The following ATP7B variants were observed in gnomAD, a reference collection of about 807,000 sequenced individuals.
ATP7B encodes the protein copper-transporting ATPase 2.
Under a neutral mutation model 118.9 loss-of-function variants are expected in ATP7B, and 113 were observed. The ratio of observed to expected loss-of-function variants is 0.95; its 90% confidence interval spans 0.82 to 1.11. The LOEUF is 1.11. Among genes scored for constraint, ATP7B ranks in the 50% most tolerant of loss-of-function variants. The pLI is 0.00. For missense variants in ATP7B, 1,867 were observed against 1,871.4 expected (o/e 1.00, Z 0.04); for synonymous variants, 777 against 727.4 (o/e 1.07, Z -1.10).
At chr13:52,004,461 G>C (rs765207813) in intron 1 of ATP7B, among the ~76,000 whole-genome samples, 7 of 152,296 alleles carry the variant, frequency 4.6e-5, no homozygotes, top group Non-Finnish European at 1.0e-4. Flanking sequence ...AGGTTCCTAT[G>C]TAAGCAAACC....
intron 16 of ATP7B, among the ~76,000 whole-genome samples, chr13:51,940,786 G>A (rs762694734): frequency 4.6e-5 from 7 of 151,994 alleles, no homozygotes; most frequent in Non-Finnish European, 8.8e-5. Context: ...TGAAGGAGAA[G>A]GATGACTCTG....
chr13:51,950,885 G>A (rs958063474), intron 9 of ATP7B, among the ~76,000 whole-genome samples: 2 of 152,106 alleles, frequency 1.3e-5, no homozygotes, highest in African/African-American at 4.8e-5. Context: ...AGGCAGGCAG[G>A]AAGGGTGCGT....
rs1954032174 is a variant in ATP7B at position 52,011,439 on chromosome 13, G to C, written c.-102C>G. ...GTGTTAAAGTCCCGGGAGAGGAGGCGCAGAGTGTGAGGGCATCGGCGCGGC... is the reference window on the plus strand; with the variant it reads ...GTGTTAAAGTCCCGGGAGAGGAGGCCCAGAGTGTGAGGGCATCGGCGCGGC... On this transcript the variant is annotated 5_prime_UTR_variant, in exon 1 of 21. Transcript: ENST00000242839. 1 of 1,510,398 alleles carries C rather than the reference G, an allele frequency of 6.6e-7. No individual in the cohort carries two copies. Among genetic ancestry groups the C allele is most frequent in the African/African-American group, 1.4e-5 (1 of 72,362 alleles). The allele number at this position is 1,510,398 out of a possible 1,614,324, so 93.6% of individuals were successfully genotyped here. A position where few individuals can be genotyped will look rare whatever the true frequency, so the allele number is the denominator to read the frequency against.
At chr13:51,997,023 C>T (rs1377029005) in intron 1 of ATP7B, among the ~76,000 whole-genome samples, 1 of 152,230 alleles carries the variant, frequency 6.6e-6, no homozygotes, top group African/African-American at 2.4e-5. Flanking sequence ...CAGAGGCCAG[C>T]ACTGTGGGGC....
chr13:52,000,323 C>T (rs1229702162), intron 1 of ATP7B, among the ~76,000 whole-genome samples: 2 of 152,198 alleles, frequency 1.3e-5, no homozygotes, highest in Admixed American at 1.3e-4. Context: ...GCTGCTGCAT[C>T]CTCAAATGGC....
Position 52,011,410 on chromosome 13 carries a change from C to T in ATP7B, c.-73G>A. 4 of 1,607,042 alleles carry T rather than the reference C, an allele frequency of 2.5e-6. No homozygotes were observed. Among genetic ancestry groups the T allele is most frequent in the Non-Finnish European group, 3.4e-6 (4 of 1,174,056 alleles). The stretch of plus-strand genomic sequence containing the variant: ...AGGTCACCTGGTCGGTGGAGGAGAG[C>T]GGGGTGTTAAAGTCCCGGGAGAGGA... On this transcript the variant is annotated 5_prime_UTR_variant, in exon 1 of 21. Transcript: ENST00000242839.
chr13:51,961,970 T>C (rs2139672127), intron 5 of ATP7B, 57 bp from the exon 6 acceptor site: 3 of 1,453,710 alleles, frequency 2.1e-6, no homozygotes, highest in Middle Eastern at 3.5e-4. Context: ...GGTTAAAATA[T>C]GCATTGGCAG....
chr13:52,005,650 C>T (rs147357367), intron 1 of ATP7B, among the ~76,000 whole-genome samples: 2 of 152,336 alleles, frequency 1.3e-5, no homozygotes, highest in African/African-American at 4.8e-5. Flanking sequence ...CCAAAATAAT[C>T]CTTAATGCTT....
chr13:51,950,493 C>T, intron 9 of ATP7B, 94 bp from the exon 10 acceptor site: 1 of 1,555,034 alleles, frequency 6.4e-7, no homozygotes, highest in Non-Finnish European at 8.8e-7. Flanking sequence ...ACTGTATTTG[C>T]TTATACTGAG....
At chr13:51,995,088 T>C (rs866134075) in intron 1 of ATP7B, among the ~76,000 whole-genome samples, 1 of 152,204 alleles carries the variant, frequency 6.6e-6, no homozygotes, top group Non-Finnish European at 1.5e-5. Context: ...TTTTGCTTCA[T>C]AGAGTCTTAC....
At chr13:51,950,522 C>T (rs1957931708) in intron 9 of ATP7B, 123 bp from the exon 10 acceptor site, 2 of 1,415,906 alleles carry the variant, frequency 1.4e-6, no homozygotes, top group Non-Finnish European at 2.0e-6. Context: ...TTCATTTGAT[C>T]TGTTCATTTA....
intron 1 of ATP7B, among the ~76,000 whole-genome samples, chr13:51,985,733 C>T (rs1195160924): frequency 6.6e-6 from 1 of 152,174 alleles, no homozygotes; most frequent in Non-Finnish European, 1.5e-5. Flanking sequence ...GATCACAGTG[C>T]AATCAAATTA....
intron 1 of ATP7B, among the ~76,000 whole-genome samples, chr13:51,984,612 G>A (rs1232684806): frequency 5.3e-5 from 8 of 152,070 alleles, no homozygotes; most frequent in Admixed American, 2.0e-4. Context: ...ACACATAATC[G>A]TCAGATTCAC....
intron 3 of ATP7B, among the ~76,000 whole-genome samples, chr13:51,969,841 A>G (rs1159569945): frequency 2.6e-5 from 4 of 152,216 alleles, no homozygotes; most frequent in Non-Finnish European, 5.9e-5. Flanking sequence ...AAAACATGTC[A>G]TCTGAATTCA....
chr13:51,936,553 G>A (rs1956975935), intron 19 of ATP7B, among the ~76,000 whole-genome samples: 2 of 152,168 alleles, frequency 1.3e-5, no homozygotes, highest in South Asian at 2.1e-4. Context: ...CTGAGATAGG[G>A]TTTCACTCTT....
intron 1 of ATP7B, among the ~76,000 whole-genome samples, chr13:51,982,752 C>G (rs1952481134): frequency 6.6e-6 from 1 of 152,220 alleles, no homozygotes; most frequent in Non-Finnish European, 1.5e-5. Context: ...GCGGGTACAG[C>G]CCATGGAGGG....
chr13:52,010,190 T>C (rs1410630883), intron 1 of ATP7B, among the ~76,000 whole-genome samples: 14 of 152,208 alleles, frequency 9.2e-5, no homozygotes, highest in Admixed American at 9.2e-4. Flanking sequence ...ATAGTCATCA[T>C]ACCCTACAAA....
At position 51,973,948 on chromosome 13, in the gene ATP7B, A is replaced by C; in HGVS notation, c.1272T>G (p.Ala424=). Residue 424 remains alanine, a synonymous_variant, in exon 2 of 21, where the codon GCT becomes GCG. Coordinates refer to ENST00000242839, the MANE Select transcript of ATP7B (RefSeq NM_000053.4). Reference sequence around the variant, plus strand: ...CACACTACGTACCAGAAACGACTGAAGCCTCAAATCCCATGTCTTCTATAG... The same window carrying C: ...CACACTACGTACCAGAAACGACTGACGCCTCAAATCCCATGTCTTCTATAG... ...RAAIEDMGFE[A]SVVSESCSTN... 6.2e-7 allele frequency: 1 copy of C among 1,614,254 alleles called. No homozygotes were observed. Among genetic ancestry groups the C allele is most frequent in the Non-Finnish European group, 8.5e-7 (1 of 1,180,050 alleles).
intron 16 of ATP7B, 67 bp downstream of exon 16, chr13:51,941,014 T>TA: frequency 6.2e-7 from 1 of 1,604,930 alleles, no homozygotes; most frequent in Non-Finnish European, 8.5e-7. Context: ...AGGAGGACTC[T>TA]TTTGCCTGAT....
Sources: allele counts gnomAD v4.1 joint callset (sites outside exome capture counted in the v4.1 genomes callset), GRCh38; gene constraint gnomAD v4.1.1; transcripts MANE v1.5; gene names NCBI Gene and HGNC (gene_info 2026-07-23, HGNC 2026-07-21).